The following NFASC variants were observed in gnomAD, a reference collection of about 807,000 sequenced individuals.
The protein encoded by NFASC is neurofascin homolog.
In NFASC, 43 loss-of-function variants were observed where a neutral mutation model predicts 147.5. That is an observed-to-expected ratio of 0.29 (90% CI 0.23 to 0.38). NFASC has a LOEUF of 0.38. NFASC is among the 10% of genes least tolerant of loss of function. The pLI, the probability that NFASC is intolerant of heterozygous loss-of-function variation, is 1.00. For missense variants in NFASC, 1,320 were observed against 1,689.0 expected, an observed-to-expected ratio of 0.78 and a Z score of 3.83; for synonymous variants, 622 against 665.5, an observed-to-expected ratio of 0.93 and a Z score of 1.01.
intron 10 of NFASC, among the ~76,000 whole-genome samples, chr1:204,969,328 C>T (rs562666651): frequency 2.0e-4 from 31 of 152,270 alleles, no homozygotes; most frequent in African/African-American, 5.3e-4. Flanking sequence ...TGATGTGTCA[C>T]GTGAGCCCGT....
intron 1 of NFASC, among the ~76,000 whole-genome samples, chr1:204,908,490 G>A (rs1208632590): frequency 6.6e-6 from 1 of 152,062 alleles, no homozygotes; most frequent in Non-Finnish European, 1.5e-5. Flanking sequence ...AGAATCAACT[G>A]AAAAACTCTT....
At chr1:204,853,401 T>C (rs1268603698) in intron 1 of NFASC, among the ~76,000 whole-genome samples, 1 of 152,222 alleles carries the variant, frequency 6.6e-6, no homozygotes, top group Non-Finnish European at 1.5e-5. Context: ...TGTGTATGTG[T>C]GTCCCCCATG....
chr1:204,868,634 T>C lies in NFASC; in HGVS notation c.-200+39852T>C, dbSNP rs12407218. ...GCTGTCCACAGGTGGCTTTGGGAGA[T>C]GGGCTGGGCAGGTGTGGCTGCCTCT... On this transcript the variant is annotated intron_variant, in intron 1 of 29. Coordinates refer to ENST00000339876, the MANE Select transcript of NFASC (RefSeq NM_001005388.3). 0.018 allele frequency among the ~76,000 whole-genome samples: 2,765 copies of C among 152,228 alleles called. 154 individuals carry two copies. In the East Asian group the frequency reaches 0.21, roughly 11 times the overall value.
chr1:204,872,063 T>C (rs768733884), intron 1 of NFASC, among the ~76,000 whole-genome samples: 5 of 152,208 alleles, frequency 3.3e-5, no homozygotes, highest in Non-Finnish European at 7.3e-5. Context: ...TGACCGTACT[T>C]AACCCAGGAA....
intron 2 of NFASC, among the ~76,000 whole-genome samples, chr1:204,922,123 A>G (rs1002485140): frequency 4.6e-5 from 7 of 152,174 alleles, no homozygotes; most frequent in Non-Finnish European, 7.3e-5. Flanking sequence ...CGAAGTATAT[A>G]TGAAACTGGA....
chr1:204,956,041 T>C (rs2094409609), intron 7 of NFASC, among the ~76,000 whole-genome samples: 1 of 152,136 alleles, frequency 6.6e-6, no homozygotes, highest in South Asian at 2.1e-4. Flanking sequence ...ACAGTTCAAC[T>C]TCTCCTCTCT....
Position 204,986,239 on chromosome 1 carries a change from G to GC in NFASC, c.2471-1178dup, listed in dbSNP as rs1323390203. The GC allele has an allele frequency of 6.4e-5, 44 of 687,166 alleles. No homozygotes were observed. The Middle Eastern group carries it at 1.9e-3, about 30-fold the overall frequency. 42.6% of individuals were successfully genotyped at this position (687,166 alleles called of 1,614,324 possible). On this transcript the variant is annotated intron_variant, in intron 21 of 29. Coordinates refer to ENST00000339876, the MANE Select transcript of NFASC (RefSeq NM_001005388.3). This position sits in a 1 kb window ranked among gnomAD's most constrained non-coding sequence, Gnocchi z 4.2. ...GGTGACTTCTGCGAGGCCTCCAGGA[G>GC]CGGATGACCTGCAAGCCGAGCCACT...
chr1:204,868,374 C>T (rs1184437514), intron 1 of NFASC, among the ~76,000 whole-genome samples: 1 of 152,166 alleles, frequency 6.6e-6, no homozygotes, highest in East Asian at 1.9e-4. Flanking sequence ...ATCGGAGGAG[C>T]ACGACCTGGC....
Position 205,016,513 on chromosome 1 carries a change from G to A in NFASC, c.3697G>A (p.Val1233Ile). 1 of 1,613,922 alleles carries A rather than the reference G, an allele frequency of 6.2e-7. No homozygotes were observed. Among genetic ancestry groups the A allele is most frequent in the Admixed American group, 1.7e-5 (1 of 60,026 alleles). Residue 1233 changes from valine (V) to isoleucine (I), a missense_variant, in exon 30 of 30, where the codon GTC (valine) becomes ATC (isoleucine). By Grantham distance (29) the Val-to-Ile change is conservative. Around this residue, in one of 3 missense-constraint regions of NFASC, gnomAD observed 167 missense variants for 233.8 expected, o/e 0.71. Transcript: ENST00000339876. The surrounding 1 kb of genome is among the most constrained non-coding windows in gnomAD (Gnocchi z 5.1). ...GNESSEATSP[V>I]NAIYSLA The stretch of plus-strand genomic sequence containing the variant: ...CGAAAGCTCAGAGGCCACGTCACCT[G>A]TCAATGCTATCTACTCTCTGGCCTA...
At position 205,015,884 on chromosome 1, in the gene NFASC, C is replaced by T. The variant is rs915159144; in HGVS notation, c.3492-424C>T. 6.6e-6 allele frequency among the ~76,000 whole-genome samples: 1 copy of T among 152,022 alleles called. No individual in the cohort carries two copies. Among genetic ancestry groups the T allele is most frequent in the Non-Finnish European group, 1.5e-5 (1 of 68,028 alleles). Reference sequence around the variant, plus strand: ...TTGGGAGATCAAAGCTGGGCCAGCCCCTCTTGATGGACAGACTGAGGCCCA... The same window carrying T: ...TTGGGAGATCAAAGCTGGGCCAGCCTCTCTTGATGGACAGACTGAGGCCCA... On this transcript the variant is annotated intron_variant, in intron 29 of 29. Coordinates refer to ENST00000339876, the MANE Select transcript of NFASC (RefSeq NM_001005388.3). This position sits in a 1 kb window ranked among gnomAD's most constrained non-coding sequence, Gnocchi z 4.0.
At chr1:204,973,491 G>A in intron 12 of NFASC, 72 bp downstream of exon 12, 1 of 1,558,034 alleles carries the variant, frequency 6.4e-7, no homozygotes. Flanking sequence ...GCTTGGTTAT[G>A]TCGTGGGGCA....
At chr1:204,859,260 G>T (rs1018398643) in intron 1 of NFASC, among the ~76,000 whole-genome samples, 1 of 152,210 alleles carries the variant, frequency 6.6e-6, no homozygotes, top group Non-Finnish European at 1.5e-5. Flanking sequence ...ACCATGCTCT[G>T]CTCACTGTGC....
rs1001466902 is a variant in NFASC, at chr1:205,001,375, A to T, written c.3136+89A>T. 1.2e-4 allele frequency: 92 copies of T among 782,154 alleles called. No homozygotes were observed. The African/African-American group carries it at 1.5e-3, about 13-fold the overall frequency. 48.5% of individuals were successfully genotyped at this position (782,154 alleles called of 1,614,324 possible). On this transcript the variant is annotated intron_variant, in intron 26 of 29. Transcript: ENST00000339876. ...TAGATGCCATTAAAGAGCTCCTGTG[A>T]ACTCCCCCAGGCTCAGAGAGGCCTT... is the stretch of plus-strand genomic sequence containing the variant.
intron 21 of NFASC, among the ~76,000 whole-genome samples, chr1:204,984,646 A>C (rs1053104093): frequency 6.3e-4 from 87 of 139,084 alleles, no homozygotes; most frequent in African/African-American, 1.9e-3. Context: ...AGGCAAAGCC[A>C]CTGAAAGCAT....
chr1:205,007,905 G>T (rs988549461), intron 27 of NFASC, among the ~76,000 whole-genome samples: 9 of 152,286 alleles, frequency 5.9e-5, no homozygotes, highest in South Asian at 4.1e-4. Flanking sequence ...AGTCCTACGT[G>T]GGGGGTTGGA....
Position 204,968,358 on chromosome 1 carries a change from G to C in NFASC, c.816G>C (p.Gly272=). 6.2e-7 allele frequency: 1 copy of C among 1,612,046 alleles called. No homozygotes were observed. Among genetic ancestry groups the C allele is most frequent in the Non-Finnish European group, 8.5e-7 (1 of 1,178,090 alleles). ...MDLLLECIAS[G]VPTPDIAWYK... is the part of the protein sequence containing the mutation. ...TCCTGCTGGAATGCATCGCCTCCGGGGTGTATGTGCGGTTTGCAGCCCCTC... is the reference window on the plus strand; with the variant it reads ...TCCTGCTGGAATGCATCGCCTCCGGCGTGTATGTGCGGTTTGCAGCCCCTC... Residue 272 remains glycine, a splice_region_variant and synonymous_variant, in exon 9 of 30, where the codon GGG becomes GGC. Transcript: ENST00000339876. The surrounding 1 kb of genome is among the most constrained non-coding windows in gnomAD (Gnocchi z 5.4).
At chr1:204,947,086 G>A (rs556879096) in intron 3 of NFASC, 6 of 320,406 alleles carry the variant, frequency 1.9e-5, no homozygotes, top group South Asian at 1.6e-4. Flanking sequence ...AAAAGAAACA[G>A]CAGCAGAAAC....
chr1:204,922,130 T>C (rs1241473795), intron 2 of NFASC, among the ~76,000 whole-genome samples: 2 of 152,172 alleles, frequency 1.3e-5, no homozygotes, highest in African/African-American at 4.8e-5. Flanking sequence ...TATATGAAAC[T>C]GGATGGGGAC....
chr1:204,880,417 G>A lies in NFASC; in HGVS notation c.-199-40215G>A, dbSNP rs546511568. ...GTTGCCCAGGCTGGAGTGCAGTGGG[G>A]CGATCTCAGCTCACTGCAAGCTCCG... On this transcript the variant is annotated intron_variant, in intron 1 of 29. Transcript: ENST00000339876. Among the ~76,000 whole-genome samples the A allele has an allele frequency of 3.3e-5, 5 of 152,192 alleles. No homozygotes were observed. In the East Asian group the frequency reaches 9.7e-4, roughly 29 times the overall value.
Sources: allele counts gnomAD v4.1 joint callset (sites outside exome capture counted in the v4.1 genomes callset), GRCh38; gene constraint gnomAD v4.1.1; regional missense constraint gnomAD v4.1.1; non-coding constraint Gnocchi (gnomAD v3.1); transcripts MANE v1.5; gene names NCBI Gene and HGNC (gene_info 2026-07-23, HGNC 2026-07-21).